EMC1: variants seen among roughly 807,000 people sequenced by gnomAD.
EMC1 encodes the protein ER membrane protein complex subunit 1, also known as KIAA0090.
Under a neutral mutation model 128.8 loss-of-function variants are expected in EMC1, and 103 were observed. That is an observed-to-expected ratio of 0.80 (90% CI 0.68 to 0.94). The LOEUF (loss-of-function observed/expected upper bound fraction) is 0.94. EMC1 is among the 40% of genes least tolerant of loss of function. The pLI is 0.00. For synonymous variants in EMC1, 442 were observed against 490.4 expected (o/e 0.90, Z 1.30); for missense variants, 1,083 against 1,250.6 (o/e 0.87, Z 2.02).
intron 2 of EMC1, 119 bp downstream of exon 2, chr1:19,244,787 C>A: frequency 8.7e-7 from 1 of 1,147,202 alleles, no homozygotes; most frequent in South Asian, 1.4e-5. Flanking sequence ...TCAGAATCCA[C>A]TAGGAGAGGC....
rs2093515914 is a variant in EMC1, at chr1:19,230,873, C to T, written c.2035G>A (p.Gly679Arg). 1 of 1,614,208 alleles carries T rather than the reference C, an allele frequency of 6.2e-7. No homozygotes were observed. The highest frequency in any genetic ancestry group is 8.5e-7 in the Non-Finnish European group (1 of 1,180,050). The change falls in exon 17 of 23, where the codon GGA becomes AGA. Residue 679 changes from glycine (G) to arginine (R), a missense_variant. Gly to Arg is a moderately radical substitution (Grantham distance 125). This residue lies in a region of EMC1 where 527 missense variants were observed against 644.1 expected (regional missense o/e 0.82). Coordinates refer to ENST00000477853, the MANE Select transcript of EMC1 (RefSeq NM_015047.3). ...CGAAGCCGATATCCACACAGCCGTC[C>T]CTGCTCTGCATCCACCAAATAGAAG... ...IFFYLVDAEQ[G>R]RLCGYRLRKD... is the part of the protein sequence containing the mutation.
At chr1:19,227,682 C>T (rs949190670) in intron 17 of EMC1, among the ~76,000 whole-genome samples, 4 of 152,146 alleles carry the variant, frequency 2.6e-5, no homozygotes, top group East Asian at 1.9e-4. Flanking sequence ...ACCTGGCCAA[C>T]ATGGCCAAAC....
rs751157950 is a variant in EMC1, at chr1:19,227,322, C to A, written c.2193G>T (p.Val731=). The change falls in exon 18 of 23, where the codon GTG becomes GTT. Residue 731 remains valine (V), a synonymous_variant. Transcript: ENST00000477853. ...SQGRVMGDRS[V]LYKSLNPNLL... ...AGCTGGCTGTATGTACCTTGTAGAG[C>A]ACACTGCGGTCCCCCATCACACGGC... 1.2e-6 allele frequency: 2 copies of A among 1,614,130 alleles called. No homozygotes were observed. Among genetic ancestry groups the A allele is most frequent in the South Asian group, 2.2e-5 (2 of 91,076 alleles).
intron 1 of EMC1, among the ~76,000 whole-genome samples, chr1:19,247,573 A>C (rs1246763718): frequency 6.6e-6 from 1 of 152,236 alleles, no homozygotes; most frequent in East Asian, 1.9e-4. Context: ...CCAGCTGTAT[A>C]AAAGTACAGC....
intron 12 of EMC1, among the ~76,000 whole-genome samples, chr1:19,235,495 G>A (rs925329175): frequency 2.0e-5 from 3 of 152,222 alleles, no homozygotes; most frequent in East Asian, 1.9e-4. Context: ...GAGGTCAGGA[G>A]ATCGAGACCA....
At chr1:19,242,171 C>T (rs898744002) in intron 5 of EMC1, among the ~76,000 whole-genome samples, 174 bp downstream of exon 5, 4 of 152,142 alleles carry the variant, frequency 2.6e-5, no homozygotes, top group South Asian at 2.1e-4. Flanking sequence ...AGGCATACTC[C>T]GGAGTTTCAC....
Position 19,222,606 on chromosome 1 carries a change from G to A in EMC1, c.2587+18C>T. The A allele has an allele frequency of 6.2e-7, 1 of 1,611,512 alleles. No individual in the cohort carries two copies. The highest frequency in any genetic ancestry group is 1.1e-5 in the South Asian group (1 of 90,926). On this transcript the variant is annotated intron_variant, in intron 20 of 22. Coordinates refer to ENST00000477853, the MANE Select transcript of EMC1 (RefSeq NM_015047.3). ...CCCAAGGGAACCCAGCCATCCCAGAGGCTCCCCAGTCACTCACTCAGCAGG... is the reference window on the plus strand; with the variant it reads ...CCCAAGGGAACCCAGCCATCCCAGAAGCTCCCCAGTCACTCACTCAGCAGG...
rs760968223 is a variant in EMC1 at position 19,227,387 on chromosome 1, C to T, written c.2128G>A (p.Val710Met). The T allele has an allele frequency of 5.0e-6, 8 of 1,614,202 alleles. No individual in the cohort carries two copies. The South Asian group carries it at 6.6e-5, about 13-fold the overall frequency. Residue 710 changes from valine to methionine, a missense_variant, in exon 18 of 23, where the codon GTG (valine) becomes ATG (methionine). Coordinates refer to ENST00000477853, the MANE Select transcript of EMC1 (RefSeq NM_015047.3). ...TGCTCACTGCTGCGTTTCCCCTTCA[C>T]CTTGACGATCCGCTGTACTTCTGGG... ...IPPEVQRIVK[V>M]KGKRSSEHVH...
At chr1:19,243,748 C>T in intron 3 of EMC1, 41 bp from the exon 4 acceptor site, 2 of 1,599,416 alleles carry the variant, frequency 1.3e-6, no homozygotes, top group African/African-American at 2.7e-5. Context: ...TTCCCACTTG[C>T]TCTGTCGCTT....
intron 17 of EMC1, among the ~76,000 whole-genome samples, chr1:19,230,325 C>A (rs1404494089): frequency 6.6e-6 from 1 of 151,224 alleles, no homozygotes; most frequent in Non-Finnish European, 1.5e-5. Context: ...AATCCCAGCA[C>A]TTTGGGAGGC....
intron 4 of EMC1, 84 bp from the exon 5 acceptor site, chr1:19,242,557 G>C: frequency 1.4e-6 from 2 of 1,439,924 alleles, no homozygotes; most frequent in Non-Finnish European, 1.9e-6. Flanking sequence ...ACCCACTGTT[G>C]CTTAGTGGGT....
intron 17 of EMC1, among the ~76,000 whole-genome samples, chr1:19,229,076 C>T (rs1026785943): frequency 1.4e-4 from 21 of 152,012 alleles, no homozygotes; most frequent in African/African-American, 4.4e-4. Flanking sequence ...GAGCCACACA[C>T]GTGTGTCCAC....
intron 1 of EMC1, among the ~76,000 whole-genome samples, chr1:19,245,467 A>C (rs1279992941): frequency 2.0e-5 from 3 of 152,148 alleles, no homozygotes; most frequent in Non-Finnish European, 4.4e-5. Flanking sequence ...TTGTTAGTGA[A>C]GAGCTCTGAC....
intron 4 of EMC1, among the ~76,000 whole-genome samples, chr1:19,242,850 C>T (rs2093614332): frequency 6.6e-6 from 1 of 152,206 alleles, no homozygotes; most frequent in Non-Finnish European, 1.5e-5. Flanking sequence ...TCTCACAGTC[C>T]CATGTGTTCT....
Position 19,216,528 on chromosome 1 carries a change from A to C in EMC1, c.*2775T>G, listed in dbSNP as rs963962311. On this transcript the variant is annotated 3_prime_UTR_variant, in exon 23 of 23. Coordinates refer to ENST00000477853, the MANE Select transcript of EMC1 (RefSeq NM_015047.3). Reference sequence around the variant, plus strand: ...CCATAAGTATATGTACCTAATATGTACCCACAAAAAATTTAAATAAAAAAC... The same window carrying C: ...CCATAAGTATATGTACCTAATATGTCCCCACAAAAAATTTAAATAAAAAAC... 1 of 152,214 alleles carries C rather than the reference A, an allele frequency of 6.6e-6. No individual in the cohort carries two copies. Among genetic ancestry groups the C allele is most frequent in the African/African-American group, 2.4e-5 (1 of 41,442 alleles). The allele number at this position is 152,214 out of a possible 1,614,324, so 9.4% of individuals were successfully genotyped here.
intron 18 of EMC1, among the ~76,000 whole-genome samples, chr1:19,225,650 AAAAAGAAAAGAAAG>A (rs1209912783): frequency 8.6e-5 from 13 of 152,006 alleles, no homozygotes; most frequent in Admixed American, 1.3e-4. Context: ...CATCTCAAAA[AAAAAGAAAAGAAAG>A]AAAAGAAAAT....
chr1:19,227,799 G>A (rs1458909435), intron 17 of EMC1, among the ~76,000 whole-genome samples: 3 of 151,950 alleles, frequency 2.0e-5, no homozygotes, highest in African/African-American at 2.4e-5. Context: ...CTGAGATCAC[G>A]CCACTGCACT....
chr1:19,248,776 G>A (rs766758214), intron 1 of EMC1, among the ~76,000 whole-genome samples: 3 of 152,156 alleles, frequency 2.0e-5, no homozygotes, highest in Admixed American at 1.3e-4. Flanking sequence ...CTCCCAAAGT[G>A]CTAGGATTAC....
chr1:19,240,094 G>C, intron 7 of EMC1, 109 bp from the exon 8 acceptor site: 2 of 1,271,234 alleles, frequency 1.6e-6, no homozygotes, highest in South Asian at 2.9e-5. Context: ...CTGGGCCATG[G>C]CAGGTGGCTC....
Sources: allele counts gnomAD v4.1 joint callset (sites outside exome capture counted in the v4.1 genomes callset), GRCh38; gene constraint gnomAD v4.1.1; regional missense constraint gnomAD v4.1.1; transcripts MANE v1.5; gene names NCBI Gene and HGNC (gene_info 2026-07-23, HGNC 2026-07-21).